The following TMPRSS6 variants were observed in gnomAD, a reference collection of about 807,000 sequenced individuals.
TMPRSS6 encodes transmembrane serine protease 6.
In TMPRSS6, 67 loss-of-function variants were observed where a neutral mutation model predicts 101.5. That is an observed-to-expected ratio of 0.66 (90% CI 0.54 to 0.81). The LOEUF is 0.81. TMPRSS6 is among the 30% of genes least tolerant of loss of function. The pLI is 0.00. For synonymous variants in TMPRSS6, 453 were observed against 464.9 expected (o/e 0.97, Z 0.33); for missense variants, 1,034 against 1,088.7 (o/e 0.95, Z 0.71).
rs1927519568 is a variant in TMPRSS6, at chr22:37,075,212, G to A, written c.1265C>T (p.Thr422Ile). Reference protein sequence around the residue: ...RIPVVATAGITINFTSQISLT... With the variant: ...RIPVVATAGIIINFTSQISLT... ...GGAGATCTGGGAGGTGAAGTTGATG[G>A]TGATCCCGGCCGTGGCCACCACGGG... Residue 422 changes from threonine to isoleucine, a missense_variant, in exon 11 of 18, where the codon ACC becomes ATC. Transcript: ENST00000676104. 7.4e-6 allele frequency: 12 copies of A among 1,613,850 alleles called. 1 individual carries two copies. In the Admixed American group the frequency reaches 2.0e-4, roughly 27 times the overall value.
In TMPRSS6 at chr22:37,069,036, C is replaced by T; in HGVS notation, c.2113+37G>A. On this transcript the variant is annotated intron_variant, in intron 16 of 17. Coordinates refer to ENST00000676104, the MANE Select transcript of TMPRSS6 (RefSeq NM_001374504.1). This position sits in a 1 kb window ranked among gnomAD's most constrained non-coding sequence, Gnocchi z 4.8. ...GTGTTACGGCGCAGATCCGCACGGT[C>T]TCCCTCCGCCTCCCGCCGCAAGTCC... 2.6e-6 allele frequency: 4 copies of T among 1,533,538 alleles called. No individual in the cohort carries two copies. Among genetic ancestry groups the T allele is most frequent in the Non-Finnish European group, 3.5e-6 (4 of 1,146,300 alleles). 95.0% of individuals were successfully genotyped at this position (1,533,538 alleles called of 1,614,324 possible).
At chr22:37,086,823 C>T (rs761640537) in intron 7 of TMPRSS6, among the ~76,000 whole-genome samples, 1 of 152,118 alleles carries the variant, frequency 6.6e-6, no homozygotes, top group African/African-American at 2.4e-5. Context: ...TTTCTGGCAC[C>T]GCGACTCCTG....
At chr22:37,075,516 TAA>T (rs199600647) in intron 10 of TMPRSS6, among the ~76,000 whole-genome samples, 3,370 of 152,300 alleles carry the variant, frequency 0.022, 40 homozygotes, top group Non-Finnish European at 0.027. Context: ...GCCTGCCAGA[TAA>T]AAAACTCAAT....
At chr22:37,091,077 C>G (rs1929219117) in intron 6 of TMPRSS6, among the ~76,000 whole-genome samples, 2 of 151,710 alleles carry the variant, frequency 1.3e-5, no homozygotes, top group Admixed American at 1.3e-4. Context: ...CAAAGCAGTA[C>G]CACCTGCATC....
intron 13 of TMPRSS6, among the ~76,000 whole-genome samples, chr22:37,072,003 G>A (rs1011494787): frequency 4.0e-5 from 6 of 150,842 alleles, no homozygotes; most frequent in African/African-American, 1.5e-4. Flanking sequence ...ATGGATGGGT[G>A]CATGGATGGA....
At chr22:37,102,654 G>C (rs912263520) in intron 2 of TMPRSS6, among the ~76,000 whole-genome samples, 4 of 152,166 alleles carry the variant, frequency 2.6e-5, no homozygotes, top group Non-Finnish European at 5.9e-5. Flanking sequence ...ACATGGCAGA[G>C]GGCCCCAAGG....
intron 10 of TMPRSS6, chr22:37,082,899 G>A: frequency 2.2e-6 from 1 of 452,660 alleles, no homozygotes; most frequent in South Asian, 1.6e-5. Flanking sequence ...TTGCAAAAAG[G>A]AGTCAAGCAA....
intron 10 of TMPRSS6, among the ~76,000 whole-genome samples, chr22:37,076,280 A>C (rs1163544366): frequency 6.6e-6 from 1 of 152,048 alleles, no homozygotes; most frequent in African/African-American, 2.4e-5. Context: ...TCCCTGTGAC[A>C]CTGTGGGCTT....
rs1305105501 is a variant in TMPRSS6, at chr22:37,103,120, C to T, written c.202+96G>A. 2.4e-5 allele frequency: 32 copies of T among 1,325,904 alleles called. No individual in the cohort carries two copies. The highest frequency in any genetic ancestry group is 1.9e-4 in the Middle Eastern group (1 of 5,302). The allele number at this position is 1,325,904 out of a possible 1,614,324, so 82.1% of individuals were successfully genotyped here. Reference sequence around the variant, plus strand: ...AGGTCACACAGCAATATGCTAAGCACGGCTGAGCCTGGAACCCAGTCCTGT... The same window carrying T: ...AGGTCACACAGCAATATGCTAAGCATGGCTGAGCCTGGAACCCAGTCCTGT... On this transcript the variant is annotated intron_variant, in intron 2 of 17. Coordinates refer to ENST00000676104, the MANE Select transcript of TMPRSS6 (RefSeq NM_001374504.1). The surrounding 1 kb of genome is among the most constrained non-coding windows in gnomAD (Gnocchi z 4.4).
At chr22:37,079,633 G>T (rs1490806215) in intron 10 of TMPRSS6, among the ~76,000 whole-genome samples, 3 of 152,224 alleles carry the variant, frequency 2.0e-5, no homozygotes. Flanking sequence ...TGAATTGGCA[G>T]CCTGGCTTTG....
intron 7 of TMPRSS6, among the ~76,000 whole-genome samples, chr22:37,086,875 C>T (rs570419836): frequency 4.6e-5 from 7 of 152,278 alleles, no homozygotes; most frequent in Admixed American, 2.0e-4. Flanking sequence ...GGTGTGGTCT[C>T]GTGACCCCCA....
intron 1 of TMPRSS6, among the ~76,000 whole-genome samples, chr22:37,104,379 G>T (rs1930580531): frequency 6.6e-6 from 1 of 152,174 alleles, no homozygotes; most frequent in Non-Finnish European, 1.5e-5. Flanking sequence ...GAGTCTAGAT[G>T]TCTGACTCCC....
intron 10 of TMPRSS6, among the ~76,000 whole-genome samples, chr22:37,075,501 C>T (rs191166782): frequency 8.5e-5 from 13 of 152,286 alleles, no homozygotes; most frequent in Non-Finnish European, 2.9e-5. Context: ...CAATGGCTCC[C>T]CATTGCCTGC....
At position 37,074,759 on chromosome 22, in the gene TMPRSS6, G is replaced by A. The variant is rs575076546; in HGVS notation, c.1343-51C>T. On this transcript the variant is annotated intron_variant, in intron 11 of 17. Coordinates refer to ENST00000676104, the MANE Select transcript of TMPRSS6 (RefSeq NM_001374504.1). ...GGCAGGCAGGGCGCCATTAGGCCAT[G>A]CGTAGCCGCGAAGGCGCACAAAGAC... 3.2e-6 allele frequency: 5 copies of A among 1,586,194 alleles called. No individual in the cohort carries two copies. The African/African-American group carries it at 6.7e-5, about 21-fold the overall frequency.
At chr22:37,098,088 G>A (rs1929977412) in intron 3 of TMPRSS6, among the ~76,000 whole-genome samples, 1 of 151,772 alleles carries the variant, frequency 6.6e-6, no homozygotes, top group South Asian at 2.1e-4. Context: ...GTCCTGTAAC[G>A]GAGGGGGAGG....
chr22:37,104,928 T>A (rs1427588602), intron 1 of TMPRSS6, among the ~76,000 whole-genome samples: 1 of 149,130 alleles, frequency 6.7e-6, no homozygotes, highest in Non-Finnish European at 1.5e-5. Flanking sequence ...GCCATTGTAC[T>A]CCAGCCTGGG....
rs1193626998 is a variant in TMPRSS6, at chr22:37,098,459, T to A, written c.293A>T (p.Glu98Val). The A allele has an allele frequency of 1.9e-6, 3 of 1,613,928 alleles. No individual in the cohort carries two copies. The highest frequency in any genetic ancestry group is 2.5e-6 in the Non-Finnish European group (3 of 1,180,022). The change falls in exon 3 of 18, where the codon GAA (glutamate) becomes GTA (valine). Residue 98 changes from glutamate to valine, a missense_variant. Transcript: ENST00000676104. ...RHFSQDLTRR[E>V]SSAFRSETAK... Reference sequence around the variant, plus strand: ...GGTTTCACTGCGGAAGGCACTAGATTCCCGGCGGGTAAGATCCTGGGAGAA... The same window carrying A: ...GGTTTCACTGCGGAAGGCACTAGATACCCGGCGGGTAAGATCCTGGGAGAA...
intron 10 of TMPRSS6, among the ~76,000 whole-genome samples, chr22:37,078,947 AGGAG>A (rs1161488611): frequency 0.13 from 16,363 of 123,612 alleles, 1,399 homozygotes; most frequent in African/African-American, 0.17. Context: ...GAGAAGGAGA[AGGAG>A]AAAAAGAGAA....
chr22:37,106,900 C>T (rs1014457859), intron 1 of TMPRSS6, among the ~76,000 whole-genome samples: 2 of 152,162 alleles, frequency 1.3e-5, no homozygotes, highest in Non-Finnish European at 2.9e-5. Context: ...GGGTTCTGGG[C>T]CCCTGGCTAG....
Sources: gnomAD v4.1 joint callset for allele counts (sites outside exome capture counted in the v4.1 genomes callset) on GRCh38, gnomAD v4.1.1 for gene constraint, Gnocchi (gnomAD v3.1) non-coding constraint, MANE v1.5 for transcripts, NCBI Gene and HGNC (gene_info 2026-07-23, HGNC 2026-07-21) for gene names.